TRPM4: variants seen among roughly 807,000 people sequenced by gnomAD.
TRPM4 encodes the protein calcium-activated non-selective cation channel 1.
In TRPM4, 124 loss-of-function variants were observed where a neutral mutation model predicts 135.6. The ratio of observed to expected loss-of-function variants is 0.91; its 90% CI spans 0.79 to 1.06. The LOEUF (loss-of-function observed/expected upper bound fraction) is 1.06. TRPM4 is among the 50% of genes least tolerant of loss of function. TRPM4 has a pLI of 0.00. For missense variants in TRPM4, 1,658 were observed against 1,671.4 expected, an observed-to-expected ratio of 0.99 and a Z score of 0.14; for synonymous variants, 745 against 705.6, an observed-to-expected ratio of 1.06 and a Z score of -0.88.
At chr19:49,174,861 C>G (rs1175985859) in intron 9 of TRPM4, among the ~76,000 whole-genome samples, 1 of 150,946 alleles carries the variant, frequency 6.6e-6, no homozygotes, top group Non-Finnish European at 1.5e-5. Context: ...GGAAGATTCC[C>G]AGGGCTCTGT....
intron 10 of TRPM4, among the ~76,000 whole-genome samples, chr19:49,182,073 CAT>C (rs1967954297): frequency 7.0e-6 from 1 of 142,060 alleles, no homozygotes. Context: ...TCCATCCATC[CAT>C]CCATCCATCC....
chr19:49,208,741 T>G (rs1969241966), intron 20 of TRPM4, among the ~76,000 whole-genome samples: 4 of 152,156 alleles, frequency 2.6e-5, no homozygotes, highest in Admixed American at 2.6e-4. Context: ...CTCGGTCTCT[T>G]GCCTTGGCAC....
intron 2 of TRPM4, among the ~76,000 whole-genome samples, chr19:49,164,151 ACTC>A (rs1170211085): frequency 1.3e-5 from 2 of 151,544 alleles, no homozygotes; most frequent in African/African-American, 4.9e-5. Flanking sequence ...TGATATCTGA[ACTC>A]CTGGAATCTG....
chr19:49,184,641 A>G (rs572464403), intron 12 of TRPM4, among the ~76,000 whole-genome samples: 19 of 150,962 alleles, frequency 1.3e-4, no homozygotes, highest in South Asian at 6.3e-4. Context: ...CACCACGCCC[A>G]GCTAATTTTT....
chr19:49,198,903 G>GT (rs988550560), intron 17 of TRPM4, among the ~76,000 whole-genome samples: 2 of 151,620 alleles, frequency 1.3e-5, no homozygotes, highest in African/African-American at 2.4e-5. Context: ...TCAGCCTTCT[G>GT]TTTTTTTATT....
rs115841728 is a variant in TRPM4, at chr19:49,187,663, A to G, written c.1744-978A>G. On this transcript the variant is annotated intron_variant, in intron 12 of 24. Transcript: ENST00000252826. Reference sequence around the variant, plus strand: ...ACAGAGCCGATTTATCAAAACAAGGAAAGTGTAATGGAGAAAGAGTAATTC... The same window carrying G: ...ACAGAGCCGATTTATCAAAACAAGGGAAGTGTAATGGAGAAAGAGTAATTC... 3.0e-3 allele frequency among the ~76,000 whole-genome samples: 450 copies of G among 152,232 alleles called. 3 individuals are homozygous for G. Among genetic ancestry groups the G allele is most frequent in the African/African-American group, 0.01 (433 of 41,536 alleles).
At chr19:49,181,521 C>G in intron 10 of TRPM4, 60 bp downstream of exon 10, 2 of 941,110 alleles carry the variant, frequency 2.1e-6, no homozygotes, top group South Asian at 1.5e-5. Context: ...TGTCCTCCCT[C>G]TCTGCCTTCT....
intron 9 of TRPM4, among the ~76,000 whole-genome samples, chr19:49,179,010 G>A (rs1476787440): frequency 1.3e-5 from 2 of 151,500 alleles, no homozygotes; most frequent in African/African-American, 4.9e-5. Context: ...CACCCATCTC[G>A]GCCTCCCAAA....
At chr19:49,174,934 C>T (rs192154971) in intron 9 of TRPM4, among the ~76,000 whole-genome samples, 124 of 150,988 alleles carry the variant, frequency 8.2e-4, no homozygotes, top group African/African-American at 2.6e-3. Flanking sequence ...GATAAGGCCT[C>T]GCTCTGTTGC....
At chr19:49,208,235 C>T (rs965011852) in intron 20 of TRPM4, among the ~76,000 whole-genome samples, 4 of 152,092 alleles carry the variant, frequency 2.6e-5, no homozygotes, top group African/African-American at 7.2e-5. Flanking sequence ...CACAGCATCA[C>T]AGGGAGACGG....
In TRPM4 at chr19:49,182,250, ATCTG is replaced by A. The variant is rs879676582; in HGVS notation, c.1264-325_1264-322del. On this transcript the variant is annotated intron_variant, in intron 10 of 24. Transcript: ENST00000252826. ...CATCCATCCATCTATCCATCCATCC[ATCTG>A]TCCATCCATTCATCTGTCCATCCAT... Among the ~76,000 whole-genome samples, 35,714 of 131,578 alleles carry A rather than the reference ATCTG, an allele frequency of 0.27. 5,362 individuals are homozygous for A. Among genetic ancestry groups the A allele is most frequent in the South Asian group, 0.35 (1,453 of 4,156 alleles). The allele number at this position is 131,578 out of a possible 152,430, so 86.3% of individuals were successfully genotyped here. A position where few individuals can be genotyped will look rare whatever the true frequency, so the allele number is the denominator to read the frequency against.
chr19:49,193,392 CG>C (rs1968488890), intron 16 of TRPM4, among the ~76,000 whole-genome samples: 1 of 152,094 alleles, frequency 6.6e-6, no homozygotes, highest in Non-Finnish European at 1.5e-5. Context: ...GAAATCAGTT[CG>C]TTTAATTCCA....
Position 49,211,623 on chromosome 19 carries a change from G to A in TRPM4, c.*125G>A. ...TTGAGGTGAGCCCCATGTCCATCTGGGCCACTGTCAGGACCACCTTTGGGA... is the reference window on the plus strand; with the variant it reads ...TTGAGGTGAGCCCCATGTCCATCTGAGCCACTGTCAGGACCACCTTTGGGA... On this transcript the variant is annotated 3_prime_UTR_variant, in exon 25 of 25. Coordinates refer to ENST00000252826, the MANE Select transcript of TRPM4 (RefSeq NM_017636.4). The surrounding 1 kb of genome is among the most constrained non-coding windows in gnomAD (Gnocchi z 4.8). 6 of 1,281,082 alleles carry A rather than the reference G, an allele frequency of 4.7e-6. No homozygotes were observed. The highest frequency in any genetic ancestry group is 6.8e-6 in the Non-Finnish European group (6 of 885,176). The allele number at this position is 1,281,082 out of a possible 1,614,324, so 79.4% of individuals were successfully genotyped here.
In TRPM4 at chr19:49,171,671, A is replaced by C. The variant is rs1967462433; in HGVS notation, c.952A>C (p.Thr318Pro). Residue 318 changes from threonine to proline, a missense_variant, in exon 8 of 25, where the codon ACT becomes CCT. By Grantham distance (38) the Thr-to-Pro change is conservative. Coordinates refer to ENST00000252826, the MANE Select transcript of TRPM4 (RefSeq NM_017636.4). The surrounding 1 kb of genome is among the most constrained non-coding windows in gnomAD (Gnocchi z 4.7). ...CTGCCTGGCGGAGACCCTGGAAGAC[A>C]CTCTGGCCCCAGGGAGTGGGGGAGC... ...ADCLAETLED[T>P]LAPGSGGARQ... 1.9e-6 allele frequency: 3 copies of C among 1,613,900 alleles called. No homozygotes were observed. Among genetic ancestry groups the C allele is most frequent in the Non-Finnish European group, 1.7e-6 (2 of 1,179,974 alleles).
chr19:49,196,335 G>A, intron 16 of TRPM4, 105 bp from the exon 17 acceptor site: 1 of 1,095,710 alleles, frequency 9.1e-7, no homozygotes, highest in Non-Finnish European at 1.3e-6. Context: ...TGAGTTTCGG[G>A]TCAGGCAGGG....
At chr19:49,188,903 A>C (rs1968302691) in intron 13 of TRPM4, 43 bp from the exon 14 acceptor site, 1 of 1,612,046 alleles carries the variant, frequency 6.2e-7, no homozygotes. Context: ...CCCTCACCCT[A>C]CTCCTTCCCA....
chr19:49,178,498 G>A (rs1967786841), intron 9 of TRPM4, among the ~76,000 whole-genome samples: 1 of 151,998 alleles, frequency 6.6e-6, no homozygotes, highest in Non-Finnish European at 1.5e-5. Context: ...TGAAGCTTGG[G>A]GGCTGATGGC....
In TRPM4 at chr19:49,176,711, C is replaced by T. The variant is rs377656145; in HGVS notation, c.1150+4603C>T. ...TACTGAAAATACAAAAATTAGCTGGCGTGGTGGCGGGTGCCTGTAATCCCA... is the reference window on the plus strand; with the variant it reads ...TACTGAAAATACAAAAATTAGCTGGTGTGGTGGCGGGTGCCTGTAATCCCA... On this transcript the variant is annotated intron_variant, in intron 9 of 24. Coordinates refer to ENST00000252826, the MANE Select transcript of TRPM4 (RefSeq NM_017636.4). 8.5e-5 allele frequency among the ~76,000 whole-genome samples: 13 copies of T among 152,208 alleles called. No homozygotes were observed. The South Asian group carries it at 1.5e-3, about 17-fold the overall frequency.
intron 9 of TRPM4, among the ~76,000 whole-genome samples, chr19:49,179,933 G>A (rs1967852554): frequency 6.6e-6 from 1 of 152,182 alleles, no homozygotes; most frequent in Admixed American, 6.5e-5. Flanking sequence ...GTGCTATGAA[G>A]GGGGTGCCAC....
Sources: allele counts gnomAD v4.1 joint callset (sites outside exome capture counted in the v4.1 genomes callset), GRCh38; gene constraint gnomAD v4.1.1; non-coding constraint Gnocchi (gnomAD v3.1); transcripts MANE v1.5; gene names NCBI Gene and HGNC (gene_info 2026-07-23, HGNC 2026-07-21).